Variants in KIF1A observed in about 807,000 individuals in gnomAD.
KIF1A encodes the protein kinesin family member 1A, also known as kinesin-like protein KIF1A.
KIF1A carries 46 observed loss-of-function variants against 227.3 expected under a neutral mutation model. The ratio of observed to expected loss-of-function variants is 0.20; its 90% CI spans 0.16 to 0.26. The LOEUF (loss-of-function observed/expected upper bound fraction) is 0.26. Ranked by LOEUF, KIF1A falls within the 10% of genes least tolerant of loss-of-function variation. KIF1A has a pLI of 1.00. For missense variants in KIF1A, 1,683 were observed against 2,485.9 expected (o/e 0.68, Z 6.87); for synonymous variants, 1,022 against 1,012.8 (o/e 1.01, Z -0.17).
At chr2:240,785,444 C>T (rs1047316805) in intron 6 of KIF1A, among the ~76,000 whole-genome samples, 1 of 152,240 alleles carries the variant, frequency 6.6e-6, no homozygotes, top group Non-Finnish European at 1.5e-5. Context: ...GGGGAAAGGG[C>T]TGTCCACTGT....
intron 22 of KIF1A, 99 bp downstream of exon 22, chr2:240,762,920 A>G: frequency 7.8e-7 from 1 of 1,276,654 alleles, no homozygotes; most frequent in South Asian, 1.4e-5. Context: ...GATGCAAGAG[A>G]TGGGGCCAGG....
rs2047873448 is a variant in KIF1A, at chr2:240,740,846, C to G, written c.3749+423G>C. ...CCAGCTCCCAGCTGCCCCCAGGGCA[C>G]CAGGCAGACCCCCACTGGCCTCCAC... On this transcript the variant is annotated intron_variant, in intron 35 of 48. Coordinates refer to ENST00000498729, the MANE Select transcript of KIF1A (RefSeq NM_001244008.2). The surrounding 1 kb of genome is among the most constrained non-coding windows in gnomAD (Gnocchi z 6.1). Among the ~76,000 whole-genome samples, 1 of 152,064 alleles carries G rather than the reference C, an allele frequency of 6.6e-6. No individual in the cohort carries two copies. The highest frequency in any genetic ancestry group is 2.4e-5 in the African/African-American group (1 of 41,390).
intron 9 of KIF1A, 51 bp downstream of exon 9, chr2:240,782,993 G>T: frequency 6.9e-7 from 1 of 1,442,892 alleles, no homozygotes; most frequent in Non-Finnish European, 9.8e-7. Flanking sequence ...AGGATGGGGC[G>T]CCAAAGACCC....
intron 2 of KIF1A, among the ~76,000 whole-genome samples, chr2:240,796,809 AG>A (rs1052161118): frequency 2.0e-4 from 31 of 152,238 alleles, no homozygotes; most frequent in African/African-American, 6.5e-4. Flanking sequence ...GAACACCCCC[AG>A]TGACACCTGA....
At position 240,757,498 on chromosome 2, in the gene KIF1A, G is replaced by C; in HGVS notation, c.2679C>G (p.Pro893=). 1 of 1,550,428 alleles carries C rather than the reference G, an allele frequency of 6.4e-7. No homozygotes were observed. Among genetic ancestry groups the C allele is most frequent in the South Asian group, 1.2e-5 (1 of 84,020 alleles). ...CGGCAGGCTCGGTGGCGTCGGAGTC[G>C]GGGCTCGAGAAGGTGGGGGAGGGGG... ...ALTPSPTFSS[P]DSDATEPAEE... is the part of the protein sequence containing the mutation. The change falls in exon 27 of 49, where the codon CCC becomes CCG. Residue 893 remains proline (P), a synonymous_variant. Coordinates refer to ENST00000498729, the MANE Select transcript of KIF1A (RefSeq NM_001244008.2). This position sits in a 1 kb window ranked among gnomAD's most constrained non-coding sequence, Gnocchi z 6.2.
rs2055979559 is a variant in KIF1A at position 240,793,390 on chromosome 2, C to T, written c.107-4078G>A. Among the ~76,000 whole-genome samples, 1 of 152,186 alleles carries T rather than the reference C, an allele frequency of 6.6e-6. No homozygotes were observed. The highest frequency in any genetic ancestry group is 2.4e-5 in the African/African-American group (1 of 41,420). On this transcript the variant is annotated intron_variant, in intron 2 of 48. Transcript: ENST00000498729. The surrounding 1 kb of genome is among the most constrained non-coding windows in gnomAD (Gnocchi z 4.8). The stretch of plus-strand genomic sequence containing the variant: ...ATGCCCTCTAGCCAGTGTCACACAG[C>T]GAGTAAGTCATGAGCACAGCCAGGC...
At chr2:240,806,048 T>C (rs2057376075) in intron 1 of KIF1A, among the ~76,000 whole-genome samples, 2 of 152,168 alleles carry the variant, frequency 1.3e-5, no homozygotes, top group Non-Finnish European at 2.9e-5. Context: ...AATACTGGTG[T>C]TCAGACATCA....
intron 1 of KIF1A, among the ~76,000 whole-genome samples, chr2:240,804,901 C>T (rs141170660): frequency 2.8e-4 from 43 of 152,030 alleles, no homozygotes; most frequent in Non-Finnish European, 6.0e-4. Flanking sequence ...CCCAAGATTC[C>T]CACATATGAA....
chr2:240,718,871 C>T (rs1040671872), intron 47 of KIF1A, 135 bp downstream of exon 47: 50 of 691,562 alleles, frequency 7.2e-5, no homozygotes, highest in Non-Finnish European at 1.2e-4. Context: ...CTGAGCCCAG[C>T]CTCCGTGGAA....
chr2:240,760,690 G>T lies in KIF1A; in HGVS notation c.2419C>A (p.His807Asn). The change falls in exon 25 of 49, where the codon CAC (histidine) becomes AAC (asparagine). Residue 807 changes from histidine (H) to asparagine (N), a missense_variant. By Grantham distance (68) the His-to-Asn change is moderately conservative (BLOSUM62 1). Coordinates refer to ENST00000498729, the MANE Select transcript of KIF1A (RefSeq NM_001244008.2). ...CTGAGCTTCTCCAGCGTCCAGTAGT[G>T]GGTGGCCCCGTTCTTCTGGTCCTGG... ...EVQDQKNGAT[H>N]YWTLEKLRQR... 6.4e-7 allele frequency: 1 copy of T among 1,568,066 alleles called. No individual in the cohort carries two copies. The highest frequency in any genetic ancestry group is 1.4e-5 in the African/African-American group (1 of 73,230).
At chr2:240,782,421 G>A (rs902612861) in intron 10 of KIF1A, among the ~76,000 whole-genome samples, 169 bp downstream of exon 10, 2 of 152,036 alleles carry the variant, frequency 1.3e-5, no homozygotes, top group African/African-American at 2.4e-5. Context: ...CACAGGCACC[G>A]CACGGGGCCT....
chr2:240,724,214 G>A (rs757744446), intron 40 of KIF1A, 178 bp from the exon 41 acceptor site: 24 of 641,350 alleles, frequency 3.7e-5, no homozygotes, highest in East Asian at 1.9e-4. Flanking sequence ...GACTCCCTCC[G>A]GCCCCCAGAG....
At chr2:240,768,913 T>C (rs1202108016) in intron 17 of KIF1A, among the ~76,000 whole-genome samples, 1 of 151,770 alleles carries the variant, frequency 6.6e-6, no homozygotes, top group African/African-American at 2.4e-5. Flanking sequence ...CCATCTGATG[T>C]CCCAAAGCCA....
At chr2:240,774,313 T>C in intron 11 of KIF1A, 52 bp from the exon 12 acceptor site, 2 of 1,226,926 alleles carry the variant, frequency 1.6e-6, no homozygotes, top group South Asian at 1.2e-5. Flanking sequence ...GCCCCAGGGC[T>C]ATGTCTGCTC....
At chr2:240,722,322 CT>C (rs906528636) in intron 43 of KIF1A, 133 bp downstream of exon 43, 2 of 842,106 alleles carry the variant, frequency 2.4e-6, no homozygotes, top group Non-Finnish European at 3.6e-6. Context: ...CTAGGGACCC[CT>C]CAAGCTCCTA....
Position 240,758,707 on chromosome 2 carries a change from G to T in KIF1A, c.2445-210C>A, listed in dbSNP as rs1305160208. On this transcript the variant is annotated intron_variant, in intron 25 of 48. Transcript: ENST00000498729. The surrounding 1 kb of genome is among the most constrained non-coding windows in gnomAD (Gnocchi z 5.2). ...ACAAGTAACGTACTCAGCTAAGCAC[G>T]CAAGGTCACCAACAGCTCCTCCCAA... Among the ~76,000 whole-genome samples the T allele has an allele frequency of 6.6e-6, 1 of 152,130 alleles. No individual in the cohort carries two copies. The highest frequency in any genetic ancestry group is 2.4e-5 in the African/African-American group (1 of 41,426).
intron 27 of KIF1A, among the ~76,000 whole-genome samples, chr2:240,753,528 G>A (rs1199658584): frequency 2.0e-5 from 3 of 152,170 alleles, no homozygotes; most frequent in Non-Finnish European, 4.4e-5. Flanking sequence ...CAAGCCCCTC[G>A]CAACCCCAGG....
At chr2:240,787,350 G>A (rs1457318734) in intron 4 of KIF1A, 34 bp from the exon 5 acceptor site, 2 of 1,579,936 alleles carry the variant, frequency 1.3e-6, no homozygotes, top group South Asian at 1.1e-5. Context: ...GCCAGGGAGG[G>A]CTGGGGCTGC....
chr2:240,812,869 G>GCCATCACTCGGGGATCCA, intron 1 of KIF1A, among the ~76,000 whole-genome samples: 2 of 112,620 alleles, frequency 1.8e-5, no homozygotes, highest in African/African-American at 3.4e-5. Flanking sequence ...TCGGGGATCA[G>GCCATCACTCGGGGATCCA]CCTTCACTCG....
Sources: gnomAD v4.1 joint callset for allele counts (sites outside exome capture counted in the v4.1 genomes callset) on GRCh38, gnomAD v4.1.1 for gene constraint, Gnocchi (gnomAD v3.1) non-coding constraint, MANE v1.5 for transcripts, NCBI Gene and HGNC (gene_info 2026-07-23, HGNC 2026-07-21) for gene names.